SSBP2: variants seen among roughly 807,000 people sequenced by gnomAD.
SSBP2 encodes the protein single-stranded DNA-binding protein 2.
SSBP2 carries 17 observed loss-of-function variants against 61.8 expected under a neutral mutation model. The observed-to-expected ratio is 0.28, with a 90% CI of 0.19 to 0.41. The LOEUF is 0.41. Among genes scored for constraint, SSBP2 ranks in the 10% least tolerant of loss-of-function variants. The pLI is 1.00. For synonymous variants in SSBP2, 139 were observed against 141.3 expected, an observed-to-expected ratio of 0.98 and a Z score of 0.12; for missense variants, 310 against 458.7, an observed-to-expected ratio of 0.68 and a Z score of 2.96.
rs1257403812 is a variant in SSBP2, at chr5:81,736,191, C to CA, written c.62+14789_62+14790insT. Among the ~76,000 whole-genome samples, 252 of 60,348 alleles carry CA rather than the reference C, an allele frequency of 4.2e-3. 1 individual carries two copies. Among genetic ancestry groups the CA allele is most frequent in the African/African-American group, 0.03 (240 of 7,870 alleles). 39.6% of individuals were successfully genotyped at this position (60,348 alleles called of 152,430 possible). A position where few individuals can be genotyped will look rare whatever the true frequency, so the allele number is the denominator to read the frequency against. Reference sequence around the variant, plus strand: ...ACACACACACACACACACACACACTCTACGGCACTACTGAATTTTTTGCTT... The same window carrying CA: ...ACACACACACACACACACACACACTCATACGGCACTACTGAATTTTTTGCTT... On this transcript the variant is annotated intron_variant, in intron 1 of 16. Transcript: ENST00000320672.
rs193208035 is a variant in SSBP2, at chr5:81,592,528, T to C, written c.282+22945A>G. ...CAGCATGCAGCTTGAGATCTGAGAA[T>C]GGGCAGACTGCCTCCTCAAGTGGGT... On this transcript the variant is annotated intron_variant, in intron 4 of 16. Transcript: ENST00000320672. Among the ~76,000 whole-genome samples the C allele has an allele frequency of 6.6e-3, 999 of 152,210 alleles. 14 individuals are homozygous for C. The highest frequency in any genetic ancestry group is 0.022 in the African/African-American group (907 of 41,486).
rs372051099 is a variant in SSBP2, at chr5:81,599,500, A to G, written c.282+15973T>C. Among the ~76,000 whole-genome samples, 13 of 152,362 alleles carry G rather than the reference A, an allele frequency of 8.5e-5. 1 individual carries two copies. The South Asian group carries it at 2.7e-3, about 32-fold the overall frequency. ...AATTTGCTTGGAAACAACAGACAGT[A>G]GTCACAGTCCGCTGATCCTAGAGAG... On this transcript the variant is annotated intron_variant, in intron 4 of 16. Coordinates refer to ENST00000320672, the MANE Select transcript of SSBP2 (RefSeq NM_012446.5).
chr5:81,431,224 C>T (rs1762263337), intron 15 of SSBP2, among the ~76,000 whole-genome samples: 1 of 152,114 alleles, frequency 6.6e-6, no homozygotes, highest in Admixed American at 6.5e-5. Flanking sequence ...AAAAGGCACT[C>T]TACTTGCTTC....
intron 7 of SSBP2, among the ~76,000 whole-genome samples, chr5:81,474,200 T>C (rs1765439739): frequency 6.6e-6 from 1 of 152,144 alleles, no homozygotes; most frequent in Admixed American, 6.5e-5. Context: ...AAATAATAAG[T>C]GATATTATCA....
intron 1 of SSBP2, among the ~76,000 whole-genome samples, chr5:81,744,080 C>T (rs755964422): frequency 6.6e-6 from 1 of 152,156 alleles, no homozygotes; most frequent in Non-Finnish European, 1.5e-5. Context: ...TACCTACAGC[C>T]TACTGGATTT....
chr5:81,677,972 A>C (rs1271560633), intron 1 of SSBP2, among the ~76,000 whole-genome samples: 1 of 152,194 alleles, frequency 6.6e-6, no homozygotes, highest in African/African-American at 2.4e-5. Context: ...ATTTACAGCA[A>C]TTGTTTTTAT....
chr5:81,446,843 C>A, intron 12 of SSBP2, 25 bp downstream of exon 12: 1 of 1,595,190 alleles, frequency 6.3e-7, no homozygotes, highest in Non-Finnish European at 8.5e-7. Flanking sequence ...ATCAAATGCC[C>A]ATGTGGCTAG....
At chr5:81,560,868 A>C (rs1380747756) in intron 4 of SSBP2, among the ~76,000 whole-genome samples, 1 of 152,188 alleles carries the variant, frequency 6.6e-6, no homozygotes, top group Non-Finnish European at 1.5e-5. Context: ...TGAGAAATTT[A>C]AGACCTACTG....
intron 1 of SSBP2, among the ~76,000 whole-genome samples, chr5:81,669,444 G>A (rs1751417154): frequency 6.6e-6 from 1 of 152,172 alleles, no homozygotes; most frequent in African/African-American, 2.4e-5. Context: ...TAGGTGAATG[G>A]AGAAATAAAG....
At chr5:81,500,549 T>C (rs10035291) in intron 5 of SSBP2, among the ~76,000 whole-genome samples, 68,227 of 151,706 alleles carry the variant, frequency 0.45, 19,348 homozygotes, top group African/African-American at 0.81. Context: ...CAACCTCCAC[T>C]TCCTGGGTTC....
chr5:81,548,972 T>C (rs1224594695), intron 4 of SSBP2, among the ~76,000 whole-genome samples: 3 of 152,140 alleles, frequency 2.0e-5, no homozygotes, highest in Non-Finnish European at 4.4e-5. Flanking sequence ...TAAACTGAAA[T>C]TTTATACATA....
intron 1 of SSBP2, among the ~76,000 whole-genome samples, chr5:81,721,832 A>G (rs1755559723): frequency 6.6e-6 from 1 of 152,068 alleles, no homozygotes; most frequent in Admixed American, 6.6e-5. Flanking sequence ...AAACAAAAAA[A>G]TCTCCAAGTT....
chr5:81,618,117 A>G (rs1163833589), intron 3 of SSBP2, among the ~76,000 whole-genome samples: 1 of 100,782 alleles, frequency 9.9e-6, no homozygotes, highest in Non-Finnish European at 2.2e-5. Context: ...AACTTTAAAT[A>G]TAAATGGACT....
intron 3 of SSBP2, among the ~76,000 whole-genome samples, chr5:81,630,049 T>A (rs1202292997): frequency 2.0e-5 from 3 of 152,230 alleles, no homozygotes; most frequent in East Asian, 3.8e-4. Flanking sequence ...ACAATTCTAA[T>A]TTAAAATATT....
intron 1 of SSBP2, among the ~76,000 whole-genome samples, chr5:81,676,008 T>A (rs1010036105): frequency 6.6e-6 from 1 of 152,160 alleles, no homozygotes; most frequent in Admixed American, 6.6e-5. Context: ...TCCAACTCAA[T>A]GTGCTAAAAG....
At chr5:81,586,265 T>A (rs1391973571) in intron 4 of SSBP2, among the ~76,000 whole-genome samples, 1 of 152,202 alleles carries the variant, frequency 6.6e-6, no homozygotes, top group East Asian at 1.9e-4. Context: ...TCACCAAAAG[T>A]GTACAGTACG....
At chr5:81,687,436 C>T (rs1036332015) in intron 1 of SSBP2, among the ~76,000 whole-genome samples, 2 of 152,182 alleles carry the variant, frequency 1.3e-5, no homozygotes, top group South Asian at 4.1e-4. Flanking sequence ...ACTACAATTC[C>T]TGGGCAAGTC....
At chr5:81,450,852 A>C (rs995774331) in intron 10 of SSBP2, among the ~76,000 whole-genome samples, 8 of 152,206 alleles carry the variant, frequency 5.3e-5, no homozygotes, top group Non-Finnish European at 1.0e-4. Context: ...ATCACCCTCT[A>C]GCCAGCCAAC....
At chr5:81,596,604 G>A (rs1376615756) in intron 4 of SSBP2, among the ~76,000 whole-genome samples, 2 of 41,326 alleles carry the variant, frequency 4.8e-5, no homozygotes, top group Admixed American at 3.1e-4. Flanking sequence ...CAAGGCTACA[G>A]TCACCAAAAC....
Sources: allele counts gnomAD v4.1 joint callset (sites outside exome capture counted in the v4.1 genomes callset), GRCh38; gene constraint gnomAD v4.1.1; transcripts MANE v1.5; gene names NCBI Gene and HGNC (gene_info 2026-07-23, HGNC 2026-07-21).